CTNND2: variants seen among roughly 807,000 people sequenced by gnomAD.
The protein encoded by CTNND2 is catenin delta-2.
A neutral mutation model predicts 144.4 loss-of-function variants in CTNND2; 22 were observed. The ratio of observed to expected loss-of-function variants is 0.15; its 90% CI spans 0.11 to 0.22. The LOEUF is 0.22. Ranked by LOEUF, CTNND2 falls within the 10% of genes least tolerant of loss-of-function variation. CTNND2 has a pLI of 1.00. For missense variants in CTNND2, 1,353 were observed against 1,618.8 expected (o/e 0.84, Z 2.82); for synonymous variants, 751 against 695.6 (o/e 1.08, Z -1.25).
chr5:11,735,107 T>C (rs1191388388), intron 1 of CTNND2, among the ~76,000 whole-genome samples: 1 of 152,168 alleles, frequency 6.6e-6, no homozygotes, highest in Non-Finnish European at 1.5e-5. Context: ...TAGAATCAGA[T>C]TAAATATGAT....
chr5:11,286,714 A>T (rs907350381), intron 9 of CTNND2, among the ~76,000 whole-genome samples: 4 of 152,250 alleles, frequency 2.6e-5, no homozygotes, highest in African/African-American at 9.6e-5. Context: ...AGGGTGAAAT[A>T]GAAACTGTCA....
chr5:11,014,535 G>C (rs1473560064), intron 18 of CTNND2, among the ~76,000 whole-genome samples: 1 of 152,164 alleles, frequency 6.6e-6, no homozygotes, highest in African/African-American at 2.4e-5. Context: ...TCCTACATCT[G>C]TTGATGTTCC....
chr5:11,236,230 G>C (rs906774550), intron 10 of CTNND2, among the ~76,000 whole-genome samples: 3 of 152,156 alleles, frequency 2.0e-5, no homozygotes, highest in African/African-American at 7.2e-5. Context: ...ATAACACAAA[G>C]CCAATTTAGT....
In CTNND2 at chr5:11,815,128, T is replaced by C. The variant is rs114883990; in HGVS notation, c.38-82856A>G. 6.5e-3 allele frequency among the ~76,000 whole-genome samples: 993 copies of C among 152,070 alleles called. 19 individuals carry two copies. The highest frequency in any genetic ancestry group is 0.023 in the African/African-American group (941 of 41,496). On this transcript the variant is annotated intron_variant, in intron 1 of 21. Coordinates refer to ENST00000304623, the MANE Select transcript of CTNND2 (RefSeq NM_001332.4). ...GAAGTTCATTAAGAGACAACAGATA[T>C]CACTAAGAGGTAATATATAGGCAGA...
chr5:11,315,835 T>C (rs1416824774), intron 9 of CTNND2, among the ~76,000 whole-genome samples: 1 of 152,078 alleles, frequency 6.6e-6, no homozygotes, highest in Non-Finnish European at 1.5e-5. Flanking sequence ...TGATAAAGAG[T>C]TTGACTTTTA....
intron 19 of CTNND2, among the ~76,000 whole-genome samples, chr5:10,992,253 G>A (rs1224166651): frequency 1.3e-5 from 2 of 152,132 alleles, no homozygotes; most frequent in East Asian, 1.9e-4. Flanking sequence ...AATTGTCCAC[G>A]GAAACCCCGG....
chr5:11,357,715 G>A (rs1477513414), intron 8 of CTNND2, among the ~76,000 whole-genome samples: 5 of 152,202 alleles, frequency 3.3e-5, no homozygotes, highest in East Asian at 1.9e-4. Flanking sequence ...CATGACAAAC[G>A]CATGTGGTGA....
chr5:11,189,822 T>C (rs985900284), intron 11 of CTNND2, among the ~76,000 whole-genome samples: 1 of 152,188 alleles, frequency 6.6e-6, no homozygotes, highest in African/African-American at 2.4e-5. Flanking sequence ...AGACTCACAG[T>C]CTACAGAATG....
chr5:11,375,618 T>C (rs7735478), intron 7 of CTNND2, among the ~76,000 whole-genome samples: 4,301 of 152,278 alleles, frequency 0.028, 255 homozygotes, highest in East Asian at 0.15. Flanking sequence ...GTTGTATTCA[T>C]TAAAACATTA....
At chr5:11,013,298 C>T (rs1291239007) in intron 18 of CTNND2, among the ~76,000 whole-genome samples, 1 of 152,124 alleles carries the variant, frequency 6.6e-6, no homozygotes, top group Non-Finnish European at 1.5e-5. Flanking sequence ...TTCTTTGGGC[C>T]TTTATTTCCT....
intron 2 of CTNND2, among the ~76,000 whole-genome samples, chr5:11,575,434 G>C (rs866500809): frequency 6.6e-6 from 1 of 152,102 alleles, no homozygotes; most frequent in South Asian, 2.1e-4. Context: ...TCTGTTCAAT[G>C]ATCTTTTTCC....
At chr5:11,497,973 C>T (rs879890908) in intron 3 of CTNND2, among the ~76,000 whole-genome samples, 4 of 151,956 alleles carry the variant, frequency 2.6e-5, no homozygotes, top group Non-Finnish European at 5.9e-5. Context: ...TACCCTGGGC[C>T]CAGAACAACT....
intron 3 of CTNND2, among the ~76,000 whole-genome samples, chr5:11,419,819 C>T (rs1419574223): frequency 6.6e-6 from 1 of 152,154 alleles, no homozygotes; most frequent in Non-Finnish European, 1.5e-5. Flanking sequence ...CTGTTATGAA[C>T]CTGCTCAAAT....
chr5:11,430,580 T>C (rs1001385850), intron 3 of CTNND2, among the ~76,000 whole-genome samples: 30 of 152,252 alleles, frequency 2.0e-4, no homozygotes, highest in African/African-American at 6.0e-4. Context: ...GACTCAATTT[T>C]CCCCCACAGT....
intron 2 of CTNND2, among the ~76,000 whole-genome samples, chr5:11,658,721 G>A (rs1389507727): frequency 1.3e-5 from 2 of 152,108 alleles, no homozygotes; most frequent in Non-Finnish European, 2.9e-5. Flanking sequence ...ATTGCTGAGG[G>A]GAGGAAGTGA....
intron 9 of CTNND2, among the ~76,000 whole-genome samples, chr5:11,330,668 T>C (rs1267982288): frequency 1.3e-5 from 2 of 149,834 alleles, no homozygotes; most frequent in African/African-American, 4.9e-5. Context: ...CTGTCTCTAC[T>C]AAAAATGCAA....
At chr5:11,494,498 A>C (rs1441058876) in intron 3 of CTNND2, among the ~76,000 whole-genome samples, 1 of 152,206 alleles carries the variant, frequency 6.6e-6, no homozygotes, top group Non-Finnish European at 1.5e-5. Flanking sequence ...AATAAAATAA[A>C]TACAAATAAT....
At chr5:11,229,803 A>G (rs1053923423) in intron 10 of CTNND2, among the ~76,000 whole-genome samples, 7 of 151,870 alleles carry the variant, frequency 4.6e-5, no homozygotes, top group Admixed American at 2.6e-4. Context: ...AACTGTGTAC[A>G]TACACACATA....
intron 1 of CTNND2, among the ~76,000 whole-genome samples, chr5:11,835,987 T>A (rs1324877601): frequency 5.3e-5 from 8 of 152,210 alleles, no homozygotes; most frequent in Admixed American, 2.6e-4. Flanking sequence ...CTGCTCTGCT[T>A]ATGTCCCCAA....
Sources: gnomAD v4.1 joint callset for allele counts (sites outside exome capture counted in the v4.1 genomes callset) on GRCh38, gnomAD v4.1.1 for gene constraint, MANE v1.5 for transcripts, NCBI Gene and HGNC (gene_info 2026-07-23, HGNC 2026-07-21) for gene names.